Variants in TTN observed in about 807,000 individuals in gnomAD.
The protein encoded by TTN is titin.
TTN carries 1,525 observed loss-of-function variants against 3,223.0 expected under a neutral mutation model. The ratio of observed to expected loss-of-function variants is 0.47; its 90% confidence interval spans 0.45 to 0.49. The LOEUF is 0.49. TTN is among the 20% of genes least tolerant of loss of function. The pLI, the probability that TTN is intolerant of heterozygous loss-of-function variation, is 0.00. For missense variants in TTN, 40,786 were observed against 43,424.0 expected (o/e 0.94, Z 5.40); for synonymous variants, 14,094 against 15,161.0 (o/e 0.93, Z 5.17).
At chr2:178,674,228 C>G (rs908813653) in intron 151 of TTN, 86 bp downstream of exon 151, 6 of 778,120 alleles carry the variant, frequency 7.7e-6, no homozygotes, top group African/African-American at 1.8e-5. Context: ...ATAAGAAAAG[C>G]ATACTGGTGA....
chr2:178,744,609 T>C (rs1194545885), intron 47 of TTN: 2 of 933,178 alleles, frequency 2.1e-6, no homozygotes, highest in Non-Finnish European at 2.6e-6. Flanking sequence ...GTGAAACTGA[T>C]AGGAAAGCTT....
intron 283 of TTN, 61 bp from the exon 284 acceptor site, chr2:178,602,211 A>G (rs997019173): frequency 1.9e-6 from 3 of 1,595,980 alleles, no homozygotes; most frequent in East Asian, 4.5e-5. Context: ...TAATTGAAAT[A>G]TCTTCAGTAA....
At chr2:178,745,537 G>A (rs1166507098) in intron 47 of TTN, 1 of 1,606,354 alleles carries the variant, frequency 6.2e-7, no homozygotes. Flanking sequence ...AAATATGAAA[G>A]CACTCAGATC....
Position 178,624,633 on chromosome 2 carries a change from C to T in TTN, c.44647G>A (p.Val14883Met). Residue 14883 changes from valine to methionine, a missense_variant, in exon 242 of 363, where the codon GTG becomes ATG. Transcript: ENST00000589042. ...ECEVSRENAK[V>M]KWFKNGTEIL... ...TCTGTCCCATTTTTGAACCATTTCA[C>T]CTTAGCATTTTCTCTGGAGACTTCA... 1 of 1,612,570 alleles carries T rather than the reference C, an allele frequency of 6.2e-7. No individual in the cohort carries two copies. The highest frequency in any genetic ancestry group is 8.5e-7 in the Non-Finnish European group (1 of 1,179,134).
Position 178,586,554 on chromosome 2 carries a change from G to T in TTN, c.64347C>A (p.Val21449=). ...FRVAARNAVG[V]SLPREAEGVY... Reference sequence around the variant, plus strand: ...CTCCTTCAGCTTCTCTTGGCAAACTGACTCCAACAGCATTTCTGGCCGCTA... The same window carrying T: ...CTCCTTCAGCTTCTCTTGGCAAACTTACTCCAACAGCATTTCTGGCCGCTA... Residue 21449 remains valine (V), a synonymous_variant, in exon 308 of 363, where the codon GTC becomes GTA. Transcript: ENST00000589042. 6.2e-7 allele frequency: 1 copy of T among 1,613,194 alleles called. No homozygotes were observed. Among genetic ancestry groups the T allele is most frequent in the South Asian group, 1.1e-5 (1 of 91,036 alleles).
chr2:178,553,241 T>C lies in TTN; in HGVS notation c.89659A>G (p.Ser29887Gly). 6.2e-7 allele frequency: 1 copy of C among 1,613,410 alleles called. No homozygotes were observed. Among genetic ancestry groups the C allele is most frequent in the East Asian group, 2.2e-5 (1 of 44,876 alleles). ...EKNLGSDARY[S>G]IENTDSSSLL... ...GAGGATGAATCAGTGTTTTCAATGC[T>C]GTATCTGGCATCACTGCCAAGATTC... The change falls in exon 335 of 363, where the codon AGC becomes GGC. Residue 29887 changes from serine to glycine, a missense_variant. Ser to Gly is a moderately conservative substitution (Grantham distance 56). Transcript: ENST00000589042.
At position 178,582,317 on chromosome 2, in the gene TTN, C is replaced by A; in HGVS notation, c.66139G>T (p.Ala22047Ser). The A allele has an allele frequency of 6.3e-7, 1 of 1,587,748 alleles. No individual in the cohort carries two copies. ...CTACCATATGGGTTTTTGGCAATTG[C>A]TGGTTCAGTGAAGACTGGATCGCCT... ...GVGDPVFTEP[A>S]IAKNPYDPPG... The change falls in exon 314 of 363, where the codon GCA becomes TCA. Residue 22047 changes from alanine to serine, a missense_variant. Transcript: ENST00000589042.
Position 178,694,595 on chromosome 2 carries a change from A to G in TTN, c.31426+4T>C. On this transcript the variant is annotated splice_donor_region_variant and intron_variant, in intron 117 of 362. Transcript: ENST00000589042. ...ACTTGTAGCTGAAACACAAAGATGT[A>G]TACCTTTCACTTCAATAACTTCTTC... 1 of 1,551,728 alleles carries G rather than the reference A, an allele frequency of 6.4e-7. No individual in the cohort carries two copies. Among genetic ancestry groups the G allele is most frequent in the East Asian group, 2.4e-5 (1 of 41,510 alleles).
Position 178,553,927 on chromosome 2 carries a change from A to G in TTN, c.89184T>C (p.Ala29728=), listed in dbSNP as rs776935505. ...ATGAGCACTTACCAATAGGATCAGC[A>G]GCTTTGTAGAATTCAGATGGTTCAG... ...PFSEPSEFYK[A]ADPIDPPGPP... is the part of the protein sequence containing the mutation. The change falls in exon 333 of 363, where the codon GCT becomes GCC. Residue 29728 remains alanine (A), a synonymous_variant. Transcript: ENST00000589042. The G allele has an allele frequency of 1.6e-5, 26 of 1,597,980 alleles. No individual in the cohort carries two copies. Among genetic ancestry groups the G allele is most frequent in the Non-Finnish European group, 2.1e-5 (25 of 1,174,154 alleles).
rs771201462 is a variant in TTN, at chr2:178,587,146, T to G, written c.64065A>C (p.Pro21355=). ...EYGPGVPTDV[P]KPVLASDPLS... Reference sequence around the variant, plus strand: ...GAGGATCTGATGCAAGCACTGGTTTTGGGACATCTGTTGGGACGCCAGGGC... The same window carrying G: ...GAGGATCTGATGCAAGCACTGGTTTGGGGACATCTGTTGGGACGCCAGGGC... Residue 21355 remains proline (P), a synonymous_variant, in exon 307 of 363, where the codon CCA becomes CCC. Coordinates refer to ENST00000589042, the MANE Select transcript of TTN (RefSeq NM_001267550.2). 6.2e-7 allele frequency: 1 copy of G among 1,613,128 alleles called. No individual in the cohort carries two copies. Among genetic ancestry groups the G allele is most frequent in the African/African-American group, 1.3e-5 (1 of 74,864 alleles).
Position 178,561,542 on chromosome 2 carries a change from CTTCTTTCT to C in TTN, c.84582_84589del (p.Glu28195GlnfsTer9). ...ATTTGCTTTTGACCAAAGAATGCTG[CTTCTTTCT>C]TTATACTCAAGATGATAGCCAATTA... On this transcript the variant is annotated frameshift_variant, in exon 326 of 363. Transcript: ENST00000589042. LOFTEE classifies it high-confidence loss of function. 2 of 1,613,264 alleles carry C rather than the reference CTTCTTTCT, an allele frequency of 1.2e-6. No individual in the cohort carries two copies. The highest frequency in any genetic ancestry group is 1.7e-6 in the Non-Finnish European group (2 of 1,179,514).
At position 178,706,753 on chromosome 2, in the gene TTN, A is replaced by T. The variant is rs761146909; in HGVS notation, c.29135-14T>A. 1.3e-6 allele frequency: 2 copies of T among 1,599,830 alleles called. No individual in the cohort carries two copies. Among genetic ancestry groups the T allele is most frequent in the Non-Finnish European group, 1.7e-6 (2 of 1,173,890 alleles). On this transcript the variant is annotated splice_polypyrimidine_tract_variant and intron_variant, in intron 101 of 362. Transcript: ENST00000589042. ...TCGCAGTGGTTTCTAAGGAATAATG[A>T]AAACAAGTGAATAAAAATTTAATTT...
rs778882176 is a variant in TTN, at chr2:178,557,054, A to G, written c.88100T>C (p.Ile29367Thr). Residue 29367 changes from isoleucine (I) to threonine (T), a missense_variant, in exon 330 of 363, where the codon ATT (isoleucine) becomes ACT (threonine). Ile to Thr is a moderately conservative substitution (Grantham distance 89). Transcript: ENST00000589042. ...QQPAFDGGSK[I>T]TGYIVERRDL... The stretch of plus-strand genomic sequence containing the variant: ...ACGTCTCTCAACAATGTAGCCTGTA[A>G]TCTTGCTACCTCCATCGAAAGCTGG... 2.5e-6 allele frequency: 4 copies of G among 1,613,652 alleles called. No individual in the cohort carries two copies. Among genetic ancestry groups the G allele is most frequent in the Non-Finnish European group, 2.5e-6 (3 of 1,179,838 alleles).
rs186381468 is a variant in TTN, at chr2:178,587,182, G to C, written c.64029C>G (p.Val21343=). ...GNEYYFRVTA[V]NEYGPGVPTD... ...TTGGGACGCCAGGGCCATATTCGTT[G>C]ACAGCAGTTACTCTGAAGTAATACT... Residue 21343 remains valine (V), a synonymous_variant, in exon 307 of 363, where the codon GTC becomes GTG. Coordinates refer to ENST00000589042, the MANE Select transcript of TTN (RefSeq NM_001267550.2). The C allele has an allele frequency of 6.8e-6, 11 of 1,613,262 alleles. 1 individual carries two copies. The East Asian group carries it at 2.5e-4, about 36-fold the overall frequency.
chr2:178,580,810 C>CTTAACCAG, intron 316 of TTN: 1 of 587,578 alleles, frequency 1.7e-6, no homozygotes, highest in Non-Finnish European at 2.8e-6. Flanking sequence ...ATGCTTTAGG[C>CTTAACCAG]TTAACCAGGT....
At chr2:178,772,875 C>A in intron 33 of TTN, 1 of 563,666 alleles carries the variant, frequency 1.8e-6, no homozygotes, top group Non-Finnish European at 3.1e-6. Flanking sequence ...AGATCATATA[C>A]AAATGGAGAG....
chr2:178,711,761 T>G (rs1027228679), intron 96 of TTN, among the ~76,000 whole-genome samples, 183 bp downstream of exon 96: 5 of 152,206 alleles, frequency 3.3e-5, no homozygotes, highest in African/African-American at 1.2e-4. Context: ...CAATTAAAGA[T>G]TTAGTCATAT....
In TTN at chr2:178,608,042, C is replaced by A; in HGVS notation, c.52745G>T (p.Ser17582Ile). The change falls in exon 276 of 363, where the codon AGC (serine) becomes ATC (isoleucine). Residue 17582 changes from serine to isoleucine, a missense_variant. Transcript: ENST00000589042. ...CCATTCTAGTTCAATAGTTGTAGAG[C>A]TTGTGTCAGTGACTCTTGGGATAGG... is the stretch of plus-strand genomic sequence containing the variant. ...GPPIPRVTDT[S>I]STTIELEWEP... The A allele has an allele frequency of 6.2e-7, 1 of 1,612,676 alleles. No homozygotes were observed. Among genetic ancestry groups the A allele is most frequent in the Non-Finnish European group, 8.5e-7 (1 of 1,179,264 alleles).
rs551292206 is a variant in TTN, at chr2:178,753,517, C to T, written c.11255-337G>A. Reference sequence around the variant, plus strand: ...AAATGTCCTATTGACTAAACACTTGCTAAGAGATGAAATCACATTTAGAAA... The same window carrying T: ...AAATGTCCTATTGACTAAACACTTGTTAAGAGATGAAATCACATTTAGAAA... On this transcript the variant is annotated intron_variant, in intron 46 of 362. Transcript: ENST00000589042. 3.5e-4 allele frequency: 68 copies of T among 192,922 alleles called. 2 individuals carry two copies. The South Asian group carries it at 7.7e-3, about 22-fold the overall frequency. 12.0% of individuals were successfully genotyped at this position (192,922 alleles called of 1,614,324 possible). A position where few individuals can be genotyped will look rare whatever the true frequency, so the allele number is the denominator to read the frequency against.
Sources: allele counts gnomAD v4.1 joint callset (sites outside exome capture counted in the v4.1 genomes callset), GRCh38; gene constraint gnomAD v4.1.1; transcripts MANE v1.5; gene names NCBI Gene and HGNC (gene_info 2026-07-23, HGNC 2026-07-21).